PXDN: variants seen among roughly 807,000 people sequenced by gnomAD.
The protein encoded by PXDN is peroxidasin homolog.
In PXDN, 77 loss-of-function variants were observed where a neutral mutation model predicts 140.3. The ratio of observed to expected loss-of-function variants is 0.55; its 90% confidence interval spans 0.46 to 0.66. The LOEUF (loss-of-function observed/expected upper bound fraction) is 0.66, where lower values mean the gene tolerates loss of function less well. Among genes scored for constraint, PXDN ranks in the 30% least tolerant of loss-of-function variants. The pLI, the probability that PXDN is intolerant of heterozygous loss-of-function variation, is 0.00. For synonymous variants in PXDN, 911 were observed against 857.4 expected (o/e 1.06, Z -1.09); for missense variants, 1,838 against 2,039.5 (o/e 0.90, Z 1.90).
At chr2:1,662,292 G>A (rs960447296) in intron 12 of PXDN, 108 bp from the exon 13 acceptor site, 49 of 948,394 alleles carry the variant, frequency 5.2e-5, no homozygotes, top group Non-Finnish European at 7.1e-5. Flanking sequence ...GATGCTGGGA[G>A]CTCACAGTCA....
intron 1 of PXDN, among the ~76,000 whole-genome samples, chr2:1,704,476 G>A: frequency 1.2e-5 from 1 of 83,708 alleles, no homozygotes; most frequent in Non-Finnish European, 2.2e-5. Flanking sequence ...CAGGTGAAGG[G>A]GGGGGCAACT....
At position 1,662,065 on chromosome 2, in the gene PXDN, C is replaced by T. The variant is rs978141017; in HGVS notation, c.1680+7G>A. 3 of 1,578,204 alleles carry T rather than the reference C, an allele frequency of 1.9e-6. No individual in the cohort carries two copies. Among genetic ancestry groups the T allele is most frequent in the Middle Eastern group, 1.7e-4 (1 of 5,800 alleles). Reference sequence around the variant, plus strand: ...GTGGTGGCTGGCTCGGGCACCAGACCGCCTACCTTGTTCCAGGTGATGGCT... The same window carrying T: ...GTGGTGGCTGGCTCGGGCACCAGACTGCCTACCTTGTTCCAGGTGATGGCT... On this transcript the variant is annotated splice_region_variant and intron_variant, in intron 13 of 22. Coordinates refer to ENST00000252804, the MANE Select transcript of PXDN (RefSeq NM_012293.3).
intron 21 of PXDN, 31 bp downstream of exon 21, chr2:1,638,815 G>C (rs1434360558): frequency 6.2e-7 from 1 of 1,613,710 alleles, no homozygotes; most frequent in Non-Finnish European, 8.5e-7. Context: ...GAATCTTGGA[G>C]TGGGGGGACA....
rs115954994 is a variant in PXDN, at chr2:1,635,637, G to A, written c.4207-116C>T. The A allele has an allele frequency of 3.4e-3, 2,831 of 835,730 alleles. 49 individuals are homozygous for A. In the African/African-American group the frequency reaches 0.042, roughly 12 times the overall value. The allele number at this position is 835,730 out of a possible 1,614,324, so 51.8% of individuals were successfully genotyped here. A position where few individuals can be genotyped will look rare whatever the true frequency, so the allele number is the denominator to read the frequency against. ...TGCCTTAAAATAAACAACATTTGAG[G>A]GGAATATTTCTGAAGAACTTTTACA... On this transcript the variant is annotated intron_variant, in intron 21 of 22. Coordinates refer to ENST00000252804, the MANE Select transcript of PXDN (RefSeq NM_012293.3).
At chr2:1,679,362 G>A (rs1006243681) in intron 7 of PXDN, among the ~76,000 whole-genome samples, 18 of 150,538 alleles carry the variant, frequency 1.2e-4, no homozygotes, top group Non-Finnish European at 2.7e-4. Context: ...GTGCGTGTGT[G>A]TGGTTTGTGT....
chr2:1,731,324 G>C (rs1205496484), intron 1 of PXDN, among the ~76,000 whole-genome samples: 5 of 38,398 alleles, frequency 1.3e-4, no homozygotes, highest in Non-Finnish European at 3.0e-4. Flanking sequence ...CAGCACCCTT[G>C]CATCTGGGCT....
At chr2:1,707,135 A>G (rs367577852) in intron 1 of PXDN, among the ~76,000 whole-genome samples, 1 of 116,152 alleles carries the variant, frequency 8.6e-6, no homozygotes. Flanking sequence ...TCTAAGCATC[A>G]CCTGCCCCAC....
intron 16 of PXDN, 48 bp downstream of exon 16, chr2:1,653,580 C>A: frequency 6.2e-7 from 1 of 1,601,148 alleles, no homozygotes; most frequent in Non-Finnish European, 8.5e-7. Flanking sequence ...GCGTGTTCAA[C>A]CCCGTTACTC....
Position 1,739,912 on chromosome 2 carries a change from G to T in PXDN, c.200+4344C>A, listed in dbSNP as rs187056755. Among the ~76,000 whole-genome samples, 53 of 152,356 alleles carry T rather than the reference G, an allele frequency of 3.5e-4. No homozygotes were observed. The East Asian group carries it at 8.5e-3, about 24-fold the overall frequency. Reference sequence around the variant, plus strand: ...CAATAATAAAGTCTTTGACTCTGTTGTGCCAACAAACATGAGCATCATCTG... The same window carrying T: ...CAATAATAAAGTCTTTGACTCTGTTTTGCCAACAAACATGAGCATCATCTG... On this transcript the variant is annotated intron_variant, in intron 1 of 22. Transcript: ENST00000252804.
At chr2:1,732,479 G>A (rs1218376364) in intron 1 of PXDN, among the ~76,000 whole-genome samples, 3 of 152,134 alleles carry the variant, frequency 2.0e-5, no homozygotes, top group Admixed American at 6.6e-5. Context: ...GAGCAGTGCC[G>A]TTCTCATCAG....
At chr2:1,708,310 G>A (rs1391978317) in intron 1 of PXDN, among the ~76,000 whole-genome samples, 3 of 152,222 alleles carry the variant, frequency 2.0e-5, no homozygotes, top group Non-Finnish European at 4.4e-5. Flanking sequence ...AAAGCTCCTG[G>A]ATTTAAAAGA....
At chr2:1,738,791 C>T (rs988554362) in intron 1 of PXDN, among the ~76,000 whole-genome samples, 9 of 152,320 alleles carry the variant, frequency 5.9e-5, no homozygotes, top group African/African-American at 2.2e-4. Context: ...AGGCAATCTG[C>T]CCGCCTTGGC....
intron 8 of PXDN, among the ~76,000 whole-genome samples, chr2:1,675,071 C>T (rs1261546709): frequency 6.6e-6 from 1 of 152,208 alleles, no homozygotes; most frequent in African/African-American, 2.4e-5. Context: ...CACCAATCCC[C>T]CAACTTGCAA....
At chr2:1,697,908 A>T (rs1384734660) in intron 1 of PXDN, among the ~76,000 whole-genome samples, 1 of 152,250 alleles carries the variant, frequency 6.6e-6, no homozygotes, top group Admixed American at 6.5e-5. Context: ...CATGATGAGC[A>T]TGGAGACAGA....
rs200276592 is a variant in PXDN, at chr2:1,662,096, G to A, written c.1656C>T (p.Pro552=). The part of the protein sequence containing the change: ...VQLPCSSQGE[P]EPAITWNKDG... ...CCTTGTTCCAGGTGATGGCTGGCTC[G>A]GGCTCGCCCTGGGAGCTGCACGGGA... Residue 552 remains proline, a synonymous_variant, in exon 13 of 23, where the codon CCC becomes CCT. Coordinates refer to ENST00000252804, the MANE Select transcript of PXDN (RefSeq NM_012293.3). 1,146 of 1,594,342 alleles carry A rather than the reference G, an allele frequency of 7.2e-4. 3 individuals are homozygous for A. The highest frequency in any genetic ancestry group is 8.2e-4 in the Non-Finnish European group (958 of 1,171,128).
chr2:1,697,629 C>G (rs1339494555), intron 1 of PXDN, among the ~76,000 whole-genome samples: 2 of 152,152 alleles, frequency 1.3e-5, no homozygotes, highest in East Asian at 3.9e-4. Context: ...GGAAAAACTT[C>G]CCCCAAATTT....
chr2:1,703,143 C>A (rs1684483080), intron 1 of PXDN, among the ~76,000 whole-genome samples: 1 of 31,686 alleles, frequency 3.2e-5, no homozygotes, highest in Non-Finnish European at 5.7e-5. Context: ...GAAGGGGGGA[C>A]AGCTCCAGGT....
chr2:1,689,521 G>A (rs572585424), intron 3 of PXDN, among the ~76,000 whole-genome samples: 1 of 152,272 alleles, frequency 6.6e-6, no homozygotes, highest in Non-Finnish European at 1.5e-5. Context: ...GGTGGCTCAT[G>A]CCTGTAATCT....
chr2:1,710,902 ACT>A (rs1430755233), intron 1 of PXDN, among the ~76,000 whole-genome samples: 16 of 69,062 alleles, frequency 2.3e-4, no homozygotes, highest in Non-Finnish European at 3.9e-4. Context: ...ACCAGCACCC[ACT>A]CTCCACCAGC....
Sources: allele counts gnomAD v4.1 joint callset (sites outside exome capture counted in the v4.1 genomes callset), GRCh38; gene constraint gnomAD v4.1.1; transcripts MANE v1.5; gene names NCBI Gene and HGNC (gene_info 2026-07-23, HGNC 2026-07-21).